The following LPP variants were observed in gnomAD, a reference collection of about 807,000 sequenced individuals.
LPP encodes the protein lipoma-preferred partner.
Under a neutral mutation model 60.4 loss-of-function variants are expected in LPP, and 38 were observed. That is an observed-to-expected ratio of 0.63 (90% confidence interval 0.49 to 0.83). The LOEUF (loss-of-function observed/expected upper bound fraction) is 0.83, where lower values mean the gene tolerates loss of function less well. Ranked by LOEUF, LPP falls within the 40% of genes least tolerant of loss-of-function variation. LPP has a pLI of 0.00. For missense variants in LPP, 902 were observed against 783.6 expected (o/e 1.15, Z -1.80); for synonymous variants, 328 against 290.8 (o/e 1.13, Z -1.30).
intron 9 of LPP, among the ~76,000 whole-genome samples, chr3:188,808,020 G>C (rs1373746987): frequency 6.6e-6 from 1 of 152,094 alleles, no homozygotes; most frequent in East Asian, 1.9e-4. Flanking sequence ...TAGGCCTTTA[G>C]TGTGGGGTGT....
chr3:188,188,787 A>G (rs1188068773), intron 1 of LPP, among the ~76,000 whole-genome samples: 2 of 152,192 alleles, frequency 1.3e-5, no homozygotes, highest in South Asian at 2.1e-4. Context: ...ACCCTGCACC[A>G]TGGTATTACT....
At chr3:188,501,914 TA>T (rs1158049738) in intron 5 of LPP, among the ~76,000 whole-genome samples, 76 of 145,366 alleles carry the variant, frequency 5.2e-4, no homozygotes, top group Non-Finnish European at 4.9e-4. Context: ...GAGACTCCAT[TA>T]AAAAAAAAAA....
At chr3:188,188,451 C>T (rs1727219196) in intron 1 of LPP, among the ~76,000 whole-genome samples, 1 of 152,148 alleles carries the variant, frequency 6.6e-6, no homozygotes, top group South Asian at 2.1e-4. Flanking sequence ...GACTTAGGCC[C>T]ATGATGCTCT....
intron 6 of LPP, among the ~76,000 whole-genome samples, chr3:188,536,002 ATTTTTTTT>A (rs11293389): frequency 9.5e-4 from 116 of 121,750 alleles, no homozygotes; most frequent in Middle Eastern, 9.7e-3. Flanking sequence ...TATTACATGA[ATTTTTTTT>A]TTTTTTTTTT....
intron 6 of LPP, among the ~76,000 whole-genome samples, chr3:188,551,755 A>G (rs1353274927): frequency 6.6e-6 from 1 of 152,306 alleles, no homozygotes; most frequent in Non-Finnish European, 1.5e-5. Flanking sequence ...ACTTTCTGCC[A>G]TAGAGATCAA....
intron 5 of LPP, among the ~76,000 whole-genome samples, chr3:188,516,673 A>G (rs1817472165): frequency 6.6e-6 from 1 of 151,674 alleles, no homozygotes; most frequent in Non-Finnish European, 1.5e-5. Flanking sequence ...AGAACACCTC[A>G]CTTTGAGAAT....
chr3:188,746,905 G>A (rs1489086997), intron 8 of LPP, among the ~76,000 whole-genome samples: 2 of 152,112 alleles, frequency 1.3e-5, no homozygotes, highest in African/African-American at 4.8e-5. Context: ...TTGAAGTCTT[G>A]AAGGGCTGCC....
At chr3:188,388,581 C>A (rs1017896520) in intron 3 of LPP, among the ~76,000 whole-genome samples, 1 of 152,138 alleles carries the variant, frequency 6.6e-6, no homozygotes, top group Non-Finnish European at 1.5e-5. Context: ...AATAAAAGAA[C>A]CACCTTGCTA....
chr3:188,304,360 G>A (rs887018335), intron 2 of LPP, among the ~76,000 whole-genome samples: 2 of 152,166 alleles, frequency 1.3e-5, no homozygotes, highest in Admixed American at 6.5e-5. Context: ...AGCCTAAAAG[G>A]TGGGCAGGGA....
At chr3:188,552,041 C>A (rs765072855) in intron 6 of LPP, among the ~76,000 whole-genome samples, 1 of 152,112 alleles carries the variant, frequency 6.6e-6, no homozygotes, top group Admixed American at 6.5e-5. Context: ...AAAAATATTG[C>A]ATTGTATCTG....
chr3:188,211,907 G>T (rs547539328), intron 1 of LPP, among the ~76,000 whole-genome samples: 2 of 152,052 alleles, frequency 1.3e-5, no homozygotes, highest in East Asian at 3.9e-4. Flanking sequence ...TGCCCAGGCT[G>T]GAGTGCAATG....
At chr3:188,351,622 A>G (rs1765865674) in intron 3 of LPP, among the ~76,000 whole-genome samples, 1 of 152,182 alleles carries the variant, frequency 6.6e-6, no homozygotes. Flanking sequence ...CAGTCATCAA[A>G]AGCTAGAATT....
chr3:188,250,876 CA>C (rs1178442887), intron 2 of LPP, among the ~76,000 whole-genome samples: 2 of 128,938 alleles, frequency 1.6e-5, no homozygotes, highest in African/African-American at 6.5e-5. Context: ...CTTTTTCTTT[CA>C]CTCTCTCTCT....
rs554864100 is a variant in LPP, at chr3:188,161,883, T to G, written c.-190+7631T>G. Among the ~76,000 whole-genome samples, 4 of 152,340 alleles carry G rather than the reference T, an allele frequency of 2.6e-5. No homozygotes were observed. The South Asian group carries it at 8.3e-4, about 32-fold the overall frequency. ...TGAGTGTGTGTGGTCTGGCGATTTA[T>G]TTATGTAACTGCCATGGATGGCTGC... On this transcript the variant is annotated intron_variant, in intron 1 of 11. Coordinates refer to ENST00000617246, the MANE Select transcript of LPP (RefSeq NM_001375462.1).
rs1006619221 is a variant in LPP at position 188,876,727 on chromosome 3, A to T, written c.*2248A>T. 5.3e-6 allele frequency: 1 copy of T among 188,006 alleles called. No homozygotes were observed. The highest frequency in any genetic ancestry group is 2.3e-5 in the African/African-American group (1 of 42,800). 11.6% of individuals were successfully genotyped at this position (188,006 alleles called of 1,614,324 possible). A position where few individuals can be genotyped will look rare whatever the true frequency, so the allele number is the denominator to read the frequency against. On this transcript the variant is annotated 3_prime_UTR_variant, in exon 12 of 12. Transcript: ENST00000617246. ...ATAGATTGTATCTCTTAAAGTGGTC[A>T]TATTATTATTAATTTTGCCAAAAGA...
At chr3:188,571,094 GA>G (rs950580798) in intron 6 of LPP, among the ~76,000 whole-genome samples, 17 of 150,990 alleles carry the variant, frequency 1.1e-4, no homozygotes, top group African/African-American at 3.6e-4. Context: ...AACTGCTAAA[GA>G]AAAAAAAATC....
At chr3:188,240,147 A>C (rs2149440560) in intron 2 of LPP, 1 of 188,834 alleles carries the variant, frequency 5.3e-6, no homozygotes, top group South Asian at 2.0e-4. Context: ...GACCCTTCAG[A>C]GGATCTCATC....
At chr3:188,261,443 T>C (rs545993291) in intron 2 of LPP, among the ~76,000 whole-genome samples, 11 of 152,236 alleles carry the variant, frequency 7.2e-5, no homozygotes, top group Non-Finnish European at 1.6e-4. Context: ...GGTGCTATCA[T>C]TTATTTTTTT....
chr3:188,450,012 T>G (rs2149340329), intron 4 of LPP, among the ~76,000 whole-genome samples: 1 of 151,854 alleles, frequency 6.6e-6, no homozygotes, highest in East Asian at 1.9e-4. Context: ...ACCATGTTGG[T>G]CAGGCTGGTC....
Sources: allele counts gnomAD v4.1 joint callset (sites outside exome capture counted in the v4.1 genomes callset), GRCh38; gene constraint gnomAD v4.1.1; transcripts MANE v1.5; gene names NCBI Gene and HGNC (gene_info 2026-07-23, HGNC 2026-07-21).